USP54: variants seen among roughly 807,000 people sequenced by gnomAD.
USP54 encodes the protein ubiquitin specific peptidase 54, also known as ubiquitin carboxyl-terminal hydrolase 54.
USP54 carries 87 observed loss-of-function variants against 170.5 expected under a neutral mutation model. The ratio of observed to expected loss-of-function variants is 0.51; its 90% CI spans 0.43 to 0.61. USP54 has a LOEUF of 0.61. Among genes scored for constraint, USP54 ranks in the 20% least tolerant of loss-of-function variants. The pLI, the probability that USP54 is intolerant of heterozygous loss-of-function variation, is 0.00. For missense variants in USP54, 1,786 were observed against 2,047.8 expected (o/e 0.87, Z 2.47); for synonymous variants, 655 against 742.8 (o/e 0.88, Z 1.92).
intron 1 of USP54, among the ~76,000 whole-genome samples, chr10:73,596,997 T>C (rs1041238677): frequency 3.9e-5 from 6 of 152,202 alleles, no homozygotes; most frequent in African/African-American, 1.2e-4. Context: ...CATGCTAGTT[T>C]TACTGTCACA....
At chr10:73,520,089 A>G in intron 18 of USP54, 97 bp from the exon 19 acceptor site, 1 of 1,495,476 alleles carries the variant, frequency 6.7e-7, no homozygotes, top group South Asian at 1.3e-5. Flanking sequence ...GATATGCAGT[A>G]AAACTCAAAA....
At chr10:73,535,424 G>A (rs1330576201) in intron 11 of USP54, among the ~76,000 whole-genome samples, 2 of 151,990 alleles carry the variant, frequency 1.3e-5, no homozygotes, top group South Asian at 4.2e-4. Flanking sequence ...GAGGTACAAA[G>A]GGGAGAAAGA....
chr10:73,567,312 G>A (rs2074077413), intron 4 of USP54, among the ~76,000 whole-genome samples: 1 of 152,146 alleles, frequency 6.6e-6, no homozygotes, highest in African/African-American at 2.4e-5. Context: ...CATATTTACT[G>A]CATATACTTT....
intron 9 of USP54, among the ~76,000 whole-genome samples, chr10:73,539,878 C>A (rs1216217825): frequency 6.6e-6 from 1 of 152,126 alleles, no homozygotes; most frequent in African/African-American, 2.4e-5. Flanking sequence ...GTAATTCCTA[C>A]ACTTTGGGAG....
chr10:73,619,844 T>C (rs1435307882), intron 1 of USP54, among the ~76,000 whole-genome samples: 1 of 150,634 alleles, frequency 6.6e-6, no homozygotes, highest in African/African-American at 2.5e-5. Context: ...CTGTCATCTA[T>C]CAGTAAATAG....
intron 4 of USP54, among the ~76,000 whole-genome samples, chr10:73,559,003 T>C (rs1023110317): frequency 2.0e-5 from 3 of 152,182 alleles, no homozygotes; most frequent in African/African-American, 7.2e-5. Context: ...TTTTATAATA[T>C]ATCTATTGAA....
At chr10:73,569,212 T>G (rs1025070696) in intron 4 of USP54, among the ~76,000 whole-genome samples, 3 of 152,178 alleles carry the variant, frequency 2.0e-5, no homozygotes, top group Non-Finnish European at 4.4e-5. Flanking sequence ...AATGACTTTT[T>G]TTGTTGTTGT....
At position 73,530,740 on chromosome 10, in the gene USP54, C is replaced by T. The variant is rs754162850; in HGVS notation, c.1411G>A (p.Gly471Ser). The change falls in exon 13 of 24, where the codon GGC becomes AGC. Residue 471 changes from glycine (G) to serine (S), a missense_variant. By Grantham distance (56) the Gly-to-Ser change is moderately conservative. Coordinates refer to ENST00000687698, the MANE Select transcript of USP54 (RefSeq NM_001391956.1). The part of the protein sequence containing the change: ...KRSSGRVRRK[G>S]DEPQASGYHS... ...TATCCCGAGGCCTGGGGCTCATCGC[C>T]TTTCCTCCTAACCCGACCAGAGCTC... 8.2e-5 allele frequency: 133 copies of T among 1,614,068 alleles called. No homozygotes were observed. Among genetic ancestry groups the T allele is most frequent in the Non-Finnish European group, 1.1e-4 (129 of 1,180,050 alleles).
At chr10:73,501,342 A>G (rs185037431) in intron 22 of USP54, among the ~76,000 whole-genome samples, 1 of 152,240 alleles carries the variant, frequency 6.6e-6, no homozygotes, top group Admixed American at 6.5e-5. Flanking sequence ...TCAAGTTTGT[A>G]TTTACTGATG....
intron 3 of USP54, among the ~76,000 whole-genome samples, chr10:73,573,584 C>A (rs1480722636): frequency 2.0e-5 from 3 of 152,014 alleles, no homozygotes; most frequent in Non-Finnish European, 4.4e-5. Flanking sequence ...GCCAACATGG[C>A]GAAACCCCGT....
intron 1 of USP54, among the ~76,000 whole-genome samples, chr10:73,588,863 G>A (rs2077860017): frequency 1.3e-5 from 2 of 152,136 alleles, no homozygotes; most frequent in African/African-American, 2.4e-5. Flanking sequence ...CCTAATACTA[G>A]CAATCTTTTC....
chr10:73,575,528 AG>A lies in USP54; in HGVS notation c.130del (p.Leu44SerfsTer86). ...GACCCTTACCTGCAGGGCACTGTTG[AG>A]GAAGCAGCTGTTTTGCCCTGGCTCA... ...SNEPGQNSCF[L>X]NSALQVLWHL... is the part of the protein sequence containing the mutation. On this transcript the variant is annotated frameshift_variant, in exon 3 of 24. Coordinates refer to ENST00000687698, the MANE Select transcript of USP54 (RefSeq NM_001391956.1). LOFTEE classifies it high-confidence loss of function. The A allele has an allele frequency of 6.2e-7, 1 of 1,611,776 alleles. No homozygotes were observed. Among genetic ancestry groups the A allele is most frequent in the Non-Finnish European group, 8.5e-7 (1 of 1,179,338 alleles).
At chr10:73,558,787 A>G (rs1483547487) in intron 4 of USP54, among the ~76,000 whole-genome samples, 1 of 152,200 alleles carries the variant, frequency 6.6e-6, no homozygotes, top group African/African-American at 2.4e-5. Flanking sequence ...ACAGTTGTAA[A>G]TTTGTGTATA....
At chr10:73,594,578 A>T (rs2078571039), upstream of USP54, among the ~76,000 whole-genome samples, 1 of 151,586 alleles carries the variant, frequency 6.6e-6, no homozygotes, top group Non-Finnish European at 1.5e-5. Flanking sequence ...CTAATTTTTT[A>T]AAGATTTTTG....
rs771463684 is a variant in USP54 at position 73,505,330 on chromosome 10, G to A, written c.4148C>T (p.Ala1383Val). The change falls in exon 21 of 24, where the codon GCC becomes GTC. Residue 1383 changes from alanine to valine, a missense_variant. Ala to Val is a moderately conservative substitution (Grantham distance 64, BLOSUM62 0). Around this residue, in one of 3 missense-constraint regions of USP54, gnomAD observed 1,418 missense variants for 1,569.0 expected, o/e 0.90. Transcript: ENST00000687698. ...TAEMEHGLHE[A>V]RTVRTSQATP... is the part of the protein sequence containing the mutation. ...TACCTGAGAAGTACGCACTGTTCTG[G>A]CTTCATGGAGACCATGCTCCATTTC... 6.2e-7 allele frequency: 1 copy of A among 1,614,072 alleles called. No homozygotes were observed. The highest frequency in any genetic ancestry group is 8.5e-7 in the Non-Finnish European group (1 of 1,180,004).
intron 1 of USP54, among the ~76,000 whole-genome samples, chr10:73,613,178 A>AGGCTG (rs2080299638): frequency 7.4e-6 from 1 of 134,356 alleles, no homozygotes; most frequent in Non-Finnish European, 1.5e-5. Context: ...TCTGTTACGT[A>AGGCTG]GGCTGGGGTA....
chr10:73,608,191 C>T (rs565079156), intron 1 of USP54, among the ~76,000 whole-genome samples: 2 of 151,972 alleles, frequency 1.3e-5, no homozygotes, highest in African/African-American at 4.8e-5. Context: ...ACCCGGGAGG[C>T]GGAGGTTGCA....
At chr10:73,578,400 GGTTTTGTTTTGTTTT>G (rs530651497) in intron 1 of USP54, among the ~76,000 whole-genome samples, 1 of 151,894 alleles carries the variant, frequency 6.6e-6, no homozygotes, top group Non-Finnish European at 1.5e-5. Context: ...TTGTTTTTTG[GGTTTTGTTTTGTTTT>G]GTTTTGTTTT....
upstream of USP54, among the ~76,000 whole-genome samples, chr10:73,591,745 C>CA (rs1163816029): frequency 6.6e-6 from 1 of 152,000 alleles, no homozygotes; most frequent in African/African-American, 2.4e-5. Flanking sequence ...CAGTCCCCCA[C>CA]AAAAAAATTC....
Sources: allele counts gnomAD v4.1 joint callset (sites outside exome capture counted in the v4.1 genomes callset), GRCh38; gene constraint gnomAD v4.1.1; regional missense constraint gnomAD v4.1.1; transcripts MANE v1.5; gene names NCBI Gene and HGNC (gene_info 2026-07-23, HGNC 2026-07-21).